Variants in PAPPA2 observed in about 807,000 individuals in gnomAD.
PAPPA2 encodes pappalysin-2.
In PAPPA2, 86 loss-of-function variants were observed where a neutral mutation model predicts 176.4. That is an observed-to-expected ratio of 0.49 (90% confidence interval 0.41 to 0.58). The LOEUF (loss-of-function observed/expected upper bound fraction) is 0.58. Ranked by LOEUF, PAPPA2 falls within the 20% of genes least tolerant of loss-of-function variation. The pLI is 0.00. For missense variants in PAPPA2, 2,073 were observed against 2,256.9 expected, an observed-to-expected ratio of 0.92 and a Z score of 1.65; for synonymous variants, 809 against 852.2, an observed-to-expected ratio of 0.95 and a Z score of 0.88.
chr1:176,794,758 G>C (rs1028910322), intron 20 of PAPPA2, among the ~76,000 whole-genome samples: 2 of 151,572 alleles, frequency 1.3e-5, no homozygotes, highest in Non-Finnish European at 2.9e-5. Context: ...TCAAGGGCAT[G>C]CTGGATGTGA....
intron 3 of PAPPA2, among the ~76,000 whole-genome samples, chr1:176,629,597 C>T (rs1016367969): frequency 6.6e-6 from 1 of 152,034 alleles, no homozygotes; most frequent in African/African-American, 2.4e-5. Context: ...AAGAAAGGAA[C>T]GTAGGGACAA....
intron 1 of PAPPA2, among the ~76,000 whole-genome samples, chr1:176,482,518 A>G (rs1346897610): frequency 6.6e-6 from 1 of 152,216 alleles, no homozygotes; most frequent in African/African-American, 2.4e-5. Context: ...ACGGGCATGA[A>G]CAGGAAAAAT....
chr1:176,593,204 T>C (rs1653763708), intron 2 of PAPPA2, among the ~76,000 whole-genome samples: 1 of 152,248 alleles, frequency 6.6e-6, no homozygotes, highest in Non-Finnish European at 1.5e-5. Context: ...TTTGGAAATA[T>C]AGCCACTTGT....
chr1:176,715,112 C>T (rs1246392011), intron 12 of PAPPA2, among the ~76,000 whole-genome samples: 11 of 152,122 alleles, frequency 7.2e-5, no homozygotes, highest in Non-Finnish European at 1.5e-4. Flanking sequence ...AAACCCCCTG[C>T]CACTATGACC....
chr1:176,652,927 G>C (rs1323680784), intron 3 of PAPPA2, among the ~76,000 whole-genome samples: 1 of 151,636 alleles, frequency 6.6e-6, no homozygotes, highest in Admixed American at 6.6e-5. Context: ...ATCTCATTTT[G>C]GTTCTGGGAC....
chr1:176,733,508 A>C (rs975782985), intron 12 of PAPPA2, among the ~76,000 whole-genome samples: 2 of 152,058 alleles, frequency 1.3e-5, no homozygotes, highest in African/African-American at 2.4e-5. Flanking sequence ...CATTGTTACT[A>C]ATCTTTTTAT....
chr1:176,582,212 C>G (rs560105348), intron 2 of PAPPA2, among the ~76,000 whole-genome samples: 153 of 152,252 alleles, frequency 1.0e-3, no homozygotes, highest in African/African-American at 3.4e-3. Flanking sequence ...CAGGCATGAG[C>G]CACCGCGCCC....
At position 176,490,131 on chromosome 1, in the gene PAPPA2, T is replaced by G. The variant is rs1227296635; in HGVS notation, c.-917+26713T>G. 4.6e-5 allele frequency among the ~76,000 whole-genome samples: 7 copies of G among 151,900 alleles called. No homozygotes were observed. The South Asian group carries it at 1.5e-3, about 32-fold the overall frequency. ...GGGAGTTTTGGAAAGAAGCAAAGTTTCTTTTAAGTGTCTTTTTTTTTTTTT... is the reference window on the plus strand; with the variant it reads ...GGGAGTTTTGGAAAGAAGCAAAGTTGCTTTTAAGTGTCTTTTTTTTTTTTT... On this transcript the variant is annotated intron_variant, in intron 1 of 22. Coordinates refer to ENST00000367662, the MANE Select transcript of PAPPA2 (RefSeq NM_020318.3).
At chr1:176,540,974 C>G (rs1160786411) in intron 1 of PAPPA2, among the ~76,000 whole-genome samples, 1 of 152,120 alleles carries the variant, frequency 6.6e-6, no homozygotes, top group African/African-American at 2.4e-5. Context: ...CATTATGTGG[C>G]ATTTGGGGCT....
chr1:176,705,970 C>T (rs1403600218), intron 9 of PAPPA2, among the ~76,000 whole-genome samples: 1 of 152,150 alleles, frequency 6.6e-6, no homozygotes, highest in African/African-American at 2.4e-5. Flanking sequence ...CACAGACAGG[C>T]AGGCTTTCTT....
intron 21 of PAPPA2, among the ~76,000 whole-genome samples, chr1:176,804,337 T>G (rs191835011): frequency 6.6e-6 from 1 of 152,138 alleles, no homozygotes; most frequent in Non-Finnish European, 1.5e-5. Flanking sequence ...CTTCTCACAT[T>G]AGGGGAAATG....
intron 3 of PAPPA2, among the ~76,000 whole-genome samples, chr1:176,651,635 A>G (rs1197381279): frequency 6.6e-6 from 1 of 151,594 alleles, no homozygotes; most frequent in Non-Finnish European, 1.5e-5. Context: ...TGACCTTCCT[A>G]TATCTGGAAT....
intron 1 of PAPPA2, among the ~76,000 whole-genome samples, chr1:176,553,239 C>T (rs1199176302): frequency 1.3e-5 from 1 of 77,164 alleles, no homozygotes; most frequent in Non-Finnish European, 2.5e-5. Context: ...CGAGGCTGAG[C>T]GGTGGGTAAG....
At chr1:176,837,088 G>A (rs929741325) in intron 21 of PAPPA2, among the ~76,000 whole-genome samples, 5 of 152,102 alleles carry the variant, frequency 3.3e-5, no homozygotes, top group Admixed American at 6.5e-5. Flanking sequence ...AGAAGTTTCC[G>A]AAGCGGTATT....
Position 176,845,517 on chromosome 1 carries a change from T to C in PAPPA2, c.*3063T>C, listed in dbSNP as rs974464373. 6.6e-6 allele frequency: 1 copy of C among 152,240 alleles called. No homozygotes were observed. The highest frequency in any genetic ancestry group is 1.5e-5 in the Non-Finnish European group (1 of 68,034). 9.4% of individuals were successfully genotyped at this position (152,240 alleles called of 1,614,324 possible). ...TTGGGAATGTAGTGAAAGGAGCTGA[T>C]CTACTGTATTGTAATGTAAAACAGC... On this transcript the variant is annotated 3_prime_UTR_variant, in exon 23 of 23. Coordinates refer to ENST00000367662, the MANE Select transcript of PAPPA2 (RefSeq NM_020318.3).
chr1:176,706,344 T>C lies in PAPPA2; in HGVS notation c.3366-15T>C, dbSNP rs1178051873. The C allele has an allele frequency of 1.2e-6, 2 of 1,610,012 alleles. No individual in the cohort carries two copies. Among genetic ancestry groups the C allele is most frequent in the Non-Finnish European group, 1.7e-6 (2 of 1,176,730 alleles). On this transcript the variant is annotated splice_polypyrimidine_tract_variant and intron_variant, in intron 9 of 22. Transcript: ENST00000367662. ...TGTGTATGTGTTATATATGCATATA[T>C]ATTTTACCCTCTAGGAGACTGGGAG...
At chr1:176,586,111 G>C (rs1653287268) in intron 2 of PAPPA2, among the ~76,000 whole-genome samples, 2 of 152,008 alleles carry the variant, frequency 1.3e-5, no homozygotes, top group Non-Finnish European at 2.9e-5. Flanking sequence ...ACTGATTTCT[G>C]TGCATCCAGT....
intron 3 of PAPPA2, among the ~76,000 whole-genome samples, chr1:176,629,361 A>G (rs1009728583): frequency 2.6e-5 from 4 of 152,230 alleles, no homozygotes; most frequent in Admixed American, 6.5e-5. Flanking sequence ...ATGATGGAAA[A>G]TTTGGTATTT....
intron 1 of PAPPA2, among the ~76,000 whole-genome samples, chr1:176,553,186 C>T (rs1651065428): frequency 6.7e-6 from 1 of 148,272 alleles, no homozygotes; most frequent in African/African-American, 2.5e-5. Flanking sequence ...CCTTTCCGCA[C>T]ATGTCAAACA....
Sources: allele counts gnomAD v4.1 joint callset (sites outside exome capture counted in the v4.1 genomes callset), GRCh38; gene constraint gnomAD v4.1.1; transcripts MANE v1.5; gene names NCBI Gene and HGNC (gene_info 2026-07-23, HGNC 2026-07-21).